SPMIP3: variants seen among roughly 807,000 people sequenced by gnomAD.
SPMIP3 encodes the protein protein SPMIP3.
At chr1:244,379,264 G>C in the SPMIP3 span, among the ~76,000 whole-genome samples, 1 of 147,812 alleles carries the variant, frequency 6.8e-6, no homozygotes, top group Non-Finnish European at 1.5e-5. Context: ...ACATGGTCTC[G>C]CTATGTTGCC....
At chr1:244,373,398 G>A in the SPMIP3 span, among the ~76,000 whole-genome samples, 1 of 135,264 alleles carries the variant, frequency 7.4e-6, no homozygotes, top group Non-Finnish European at 1.6e-5. Flanking sequence ...AGCTACTTAG[G>A]AAGCTGAAAC....
the SPMIP3 span, among the ~76,000 whole-genome samples, chr1:244,388,528 T>C: frequency 9.8e-3 from 1,499 of 152,214 alleles, 32 homozygotes; most frequent in African/African-American, 0.034. Flanking sequence ...TTGGAGTTCA[T>C]TGAACTTTTC....
chr1:244,382,212 G>C, the SPMIP3 span, among the ~76,000 whole-genome samples: 1 of 104,750 alleles, frequency 9.5e-6, no homozygotes, highest in Non-Finnish European at 2.0e-5. Context: ...GCATAGCCAA[G>C]TGCATTTTTT....
At chr1:244,358,268 A>G in the SPMIP3 span, among the ~76,000 whole-genome samples, 1 of 138,332 alleles carries the variant, frequency 7.2e-6, no homozygotes, top group African/African-American at 2.6e-5. Context: ...AAAAATTACA[A>G]AATAGAATAT....
chr1:244,357,207 C>G, the SPMIP3 span, among the ~76,000 whole-genome samples: 1 of 109,330 alleles, frequency 9.1e-6, no homozygotes, highest in Non-Finnish European at 2.2e-5. Context: ...CAGGCACGAG[C>G]CACTGCACCC....
the SPMIP3 span, among the ~76,000 whole-genome samples, chr1:244,367,581 C>G: frequency 6.6e-6 from 1 of 152,114 alleles, no homozygotes; most frequent in South Asian, 2.1e-4. Flanking sequence ...GAGCCGGAGC[C>G]GTCAGTGTGC....
At chr1:244,363,967 G>A in the SPMIP3 span, among the ~76,000 whole-genome samples, 1 of 141,478 alleles carries the variant, frequency 7.1e-6, no homozygotes, top group Non-Finnish European at 1.6e-5. Context: ...TGCTTAGCTT[G>A]CAAGCTTGTG....
the SPMIP3 span, among the ~76,000 whole-genome samples, chr1:244,381,652 C>G: frequency 6.6e-6 from 1 of 152,210 alleles, no homozygotes; most frequent in Admixed American, 6.5e-5. Flanking sequence ...AAGATGAGGC[C>G]TGGCACAGTG....
At chr1:244,373,442 A>G in the SPMIP3 span, among the ~76,000 whole-genome samples, 1 of 149,560 alleles carries the variant, frequency 6.7e-6, no homozygotes, top group Non-Finnish European at 1.5e-5. Flanking sequence ...GTTAGAGGCT[A>G]CAGTGAGCTA....
At chr1:244,387,961 CTT>C in the SPMIP3 span, among the ~76,000 whole-genome samples, 6 of 150,450 alleles carry the variant, frequency 4.0e-5, no homozygotes, top group Non-Finnish European at 7.4e-5. Context: ...AAGTTTCACT[CTT>C]GTTGCCCAGG....
chr1:244,363,152 T>A, the SPMIP3 span, among the ~76,000 whole-genome samples: 2 of 152,106 alleles, frequency 1.3e-5, no homozygotes, highest in African/African-American at 4.8e-5. Flanking sequence ...ATGCCTGTAA[T>A]CCCAGCACTT....
chr1:244,361,710 A>C, the SPMIP3 span, among the ~76,000 whole-genome samples: 1 of 152,222 alleles, frequency 6.6e-6, no homozygotes, highest in African/African-American at 2.4e-5. Context: ...ATCTATAATA[A>C]TTAAAAATAA....
the SPMIP3 span, chr1:244,388,902 T>C: frequency 4.9e-6 from 7 of 1,434,148 alleles, no homozygotes; most frequent in South Asian, 5.8e-5. Context: ...TGTTAAAAAT[T>C]AGGAGTGAGT....
the SPMIP3 span, among the ~76,000 whole-genome samples, chr1:244,356,760 C>A: frequency 1.3e-5 from 2 of 151,940 alleles, no homozygotes; most frequent in Non-Finnish European, 2.9e-5. Flanking sequence ...CCAAAATGTC[C>A]AAAATTGGGG....
At chr1:244,375,533 G>A in the SPMIP3 span, 21 of 1,315,380 alleles carry the variant, frequency 1.6e-5, no homozygotes, top group Admixed American at 1.1e-4. Flanking sequence ...AAAAGGGGTC[G>A]GCGGGGGGAA....
At chr1:244,357,707 CA>C in the SPMIP3 span, among the ~76,000 whole-genome samples, 32,512 of 94,054 alleles carry the variant, frequency 0.35, 4,544 homozygotes, top group East Asian at 0.73. Flanking sequence ...GACTCCATCT[CA>C]AAAAAAAAAA....
chr1:244,380,067 C>T, the SPMIP3 span, among the ~76,000 whole-genome samples: 10 of 150,372 alleles, frequency 6.7e-5, no homozygotes, highest in African/African-American at 1.7e-4. Context: ...TTCCTGCTGT[C>T]ATTGGTGCTT....
the SPMIP3 span, among the ~76,000 whole-genome samples, chr1:244,376,078 G>T: frequency 6.6e-6 from 1 of 152,110 alleles, no homozygotes; most frequent in South Asian, 2.1e-4. Flanking sequence ...TACCTGTTAA[G>T]CATGAAATAA....
At chr1:244,368,940 A>G in the SPMIP3 span, among the ~76,000 whole-genome samples, 2 of 152,214 alleles carry the variant, frequency 1.3e-5, no homozygotes, top group Non-Finnish European at 2.9e-5. Flanking sequence ...CAGGCGGATC[A>G]TGAGGTCAAA....
Sources: gnomAD v4.1 joint callset for allele counts (sites outside exome capture counted in the v4.1 genomes callset) on GRCh38, gnomAD v4.1.1 for gene constraint, MANE v1.5 for transcripts, NCBI Gene and HGNC (gene_info 2026-07-23, HGNC 2026-07-21) for gene names.